OTOP1: variants seen among roughly 807,000 people sequenced by gnomAD.
The protein encoded by OTOP1 is proton channel OTOP1.
OTOP1 carries 59 observed loss-of-function variants against 52.9 expected under a neutral mutation model. The observed-to-expected ratio is 1.12, with a 90% CI of 0.91 to 1.39. The LOEUF (loss-of-function observed/expected upper bound fraction) is 1.39. OTOP1 is among the 40% of genes most tolerant of loss of function. The pLI is 0.00. For synonymous variants in OTOP1, 317 were observed against 337.7 expected, an observed-to-expected ratio of 0.94 and a Z score of 0.67; for missense variants, 761 against 800.9, an observed-to-expected ratio of 0.95 and a Z score of 0.60.
At chr4:4,216,157 G>A (rs1013567175) in intron 1 of OTOP1, among the ~76,000 whole-genome samples, 1 of 152,116 alleles carries the variant, frequency 6.6e-6, no homozygotes, top group Non-Finnish European at 1.5e-5. Flanking sequence ...AGCTGAGGAA[G>A]GGCCTGTGCT....
At position 4,197,648 on chromosome 4, in the gene OTOP1, C is replaced by G. The variant is rs1716673403; in HGVS notation, c.1186G>C (p.Gly396Arg). ...ATAAGCCAGGAGCCCGAGGCAGTGC[C>G]CACCAAGAGGTCCGAGTCCAGTTTG... ...ARKLDSDLLVGTASGSWLISW... is the reference protein window; with the variant it reads ...ARKLDSDLLVRTASGSWLISW... The change falls in exon 5 of 6, where the codon GGC becomes CGC. Residue 396 changes from glycine to arginine, a missense_variant. Physicochemically the swap from Gly to Arg is moderately radical, Grantham distance 125 (BLOSUM62 -2). Transcript: ENST00000296358. The G allele has an allele frequency of 6.2e-7, 1 of 1,613,720 alleles. No individual in the cohort carries two copies. Among genetic ancestry groups the G allele is most frequent in the Non-Finnish European group, 8.5e-7 (1 of 1,179,980 alleles).
chr4:4,198,001 T>G lies in OTOP1; in HGVS notation c.833A>C (p.Gln278Pro), dbSNP rs1047440790. 9.3e-6 allele frequency: 15 copies of G among 1,613,956 alleles called. No individual in the cohort carries two copies. Among genetic ancestry groups the G allele is most frequent in the Admixed American group, 3.3e-5 (2 of 59,986 alleles). Residue 278 changes from glutamine to proline, a missense_variant, in exon 5 of 6, where the codon CAG becomes CCG. Coordinates refer to ENST00000296358, the MANE Select transcript of OTOP1 (RefSeq NM_177998.3). ...YYLYPFNIEY[Q>P]ILASTMLYVL... ...GTAGAGCATTGTGGAGGCCAGGATC[T>G]GATACTCTATGTTGAAGGGGTAGAG...
At chr4:4,191,175 C>T (rs1283326692) in intron 5 of OTOP1, among the ~76,000 whole-genome samples, 1 of 152,122 alleles carries the variant, frequency 6.6e-6, no homozygotes, top group African/African-American at 2.4e-5. Context: ...TAACCATGCC[C>T]CCTCCCATCC....
At chr4:4,225,661 C>A (rs1054458193) in intron 1 of OTOP1, among the ~76,000 whole-genome samples, 4 of 152,028 alleles carry the variant, frequency 2.6e-5, no homozygotes, top group African/African-American at 9.7e-5. Context: ...GCAGGAGCCT[C>A]TATCCCTCTT....
At chr4:4,199,658 C>A (rs1163430587) in intron 4 of OTOP1, among the ~76,000 whole-genome samples, 1 of 152,222 alleles carries the variant, frequency 6.6e-6, no homozygotes, top group Non-Finnish European at 1.5e-5. Flanking sequence ...TGAGATCCGC[C>A]TGCCTCCGCC....
chr4:4,213,290 C>T (rs1306154423), intron 1 of OTOP1, among the ~76,000 whole-genome samples: 9 of 152,004 alleles, frequency 5.9e-5, no homozygotes, highest in Non-Finnish European at 1.3e-4. Flanking sequence ...AAGTATAAAC[C>T]TTGTAAAAGA....
At chr4:4,200,281 G>A (rs1716751994) in intron 4 of OTOP1, among the ~76,000 whole-genome samples, 1 of 151,962 alleles carries the variant, frequency 6.6e-6, no homozygotes, top group Non-Finnish European at 1.5e-5. Context: ...GGATCACAAG[G>A]TCAGGAGACT....
intron 1 of OTOP1, among the ~76,000 whole-genome samples, chr4:4,222,636 T>C (rs1200575184): frequency 2.0e-5 from 3 of 152,168 alleles, no homozygotes; most frequent in Non-Finnish European, 4.4e-5. Context: ...TGTAAGAAAA[T>C]GCATGGAGTT....
At chr4:4,220,092 TA>T (rs1560211540) in intron 1 of OTOP1, among the ~76,000 whole-genome samples, 11 of 101,630 alleles carry the variant, frequency 1.1e-4, no homozygotes, top group African/African-American at 5.1e-4. Flanking sequence ...TATATATATA[TA>T]TATATATATA....
At chr4:4,219,423 C>T (rs139697678) in intron 1 of OTOP1, among the ~76,000 whole-genome samples, 5 of 152,142 alleles carry the variant, frequency 3.3e-5, no homozygotes, top group Non-Finnish European at 5.9e-5. Context: ...GACAGATTGC[C>T]GGGCGCGGTG....
At position 4,189,017 on chromosome 4, in the gene OTOP1, A is replaced by G. The variant is rs756283390; in HGVS notation, c.1669-44T>C. 6.4e-5 allele frequency: 101 copies of G among 1,580,090 alleles called. 1 individual carries two copies. The highest frequency in any genetic ancestry group is 6.3e-4 in the South Asian group (55 of 86,744). On this transcript the variant is annotated intron_variant, in intron 5 of 5. Transcript: ENST00000296358. Reference sequence around the variant, plus strand: ...TGGCATGTGGTGGGGAGCAGCTTCCAAGCCACCACGGAGGCCCCACTCAAG... The same window carrying G: ...TGGCATGTGGTGGGGAGCAGCTTCCGAGCCACCACGGAGGCCCCACTCAAG...
intron 1 of OTOP1, among the ~76,000 whole-genome samples, chr4:4,222,512 A>T (rs1211667891): frequency 6.6e-6 from 1 of 152,130 alleles, no homozygotes; most frequent in African/African-American, 2.4e-5. Flanking sequence ...TTTCCAATGA[A>T]AGCCAAGCCC....
intron 2 of OTOP1, among the ~76,000 whole-genome samples, chr4:4,210,208 AATGAAC>A (rs1716994181): frequency 6.6e-6 from 1 of 152,172 alleles, no homozygotes; most frequent in Non-Finnish European, 1.5e-5. Flanking sequence ...AAAATGAATG[AATGAAC>A]GAACGCAGTT....
intron 1 of OTOP1, among the ~76,000 whole-genome samples, chr4:4,220,511 TACTTA>T (rs1168425789): frequency 3.3e-5 from 5 of 152,182 alleles, no homozygotes; most frequent in Admixed American, 2.0e-4. Context: ...CTTGGGCAAT[TACTTA>T]ACTTACCTTT....
rs1344503408 is a variant in OTOP1 at position 4,226,894 on chromosome 4, C to CG, written c.-31dup. ...GAGACACCCGCGCCAAGTCTGGTCC[C>CG]GGGGGTGGCTGCCGTCGGGCCCCGC... On this transcript the variant is annotated 5_prime_UTR_variant, in exon 1 of 6. Coordinates refer to ENST00000296358, the MANE Select transcript of OTOP1 (RefSeq NM_177998.3). The CG allele has an allele frequency of 2.3e-6, 3 of 1,299,436 alleles. No individual in the cohort carries two copies. Among genetic ancestry groups the CG allele is most frequent in the Non-Finnish European group, 2.9e-6 (3 of 1,026,760 alleles). 80.5% of individuals were successfully genotyped at this position (1,299,436 alleles called of 1,614,324 possible). A position where few individuals can be genotyped will look rare whatever the true frequency, so the allele number is the denominator to read the frequency against.
intron 2 of OTOP1, among the ~76,000 whole-genome samples, chr4:4,208,196 A>G (rs1347236087): frequency 6.6e-6 from 1 of 152,242 alleles, no homozygotes; most frequent in East Asian, 1.9e-4. Flanking sequence ...AATTCAACAC[A>G]GCTATTTTAG....
intron 1 of OTOP1, among the ~76,000 whole-genome samples, chr4:4,220,696 G>T (rs1342272958): frequency 6.6e-6 from 1 of 152,160 alleles, no homozygotes; most frequent in Non-Finnish European, 1.5e-5. Flanking sequence ...CCAAGAAAAA[G>T]TTGATGCATT....
chr4:4,190,102 C>G (rs1175016660), intron 5 of OTOP1, among the ~76,000 whole-genome samples: 8 of 152,176 alleles, frequency 5.3e-5, no homozygotes, highest in Non-Finnish European at 8.8e-5. Context: ...CCATACAGAA[C>G]ACTCCCTGGT....
chr4:4,204,963 G>A (rs12650721), intron 3 of OTOP1, among the ~76,000 whole-genome samples: 1 of 151,916 alleles, frequency 6.6e-6, no homozygotes, highest in East Asian at 1.9e-4. Flanking sequence ...TAGTAGAGAC[G>A]GGGTTTCACC....
Sources: gnomAD v4.1 joint callset for allele counts (sites outside exome capture counted in the v4.1 genomes callset) on GRCh38, gnomAD v4.1.1 for gene constraint, MANE v1.5 for transcripts, NCBI Gene and HGNC (gene_info 2026-07-23, HGNC 2026-07-21) for gene names.